The following ZC3H12B variants were observed in gnomAD, a reference collection of about 807,000 sequenced individuals.
ZC3H12B encodes the protein zinc finger CCCH-type containing 12B.
A neutral mutation model predicts 43.9 loss-of-function variants in ZC3H12B; 7 were observed. That is an observed-to-expected ratio of 0.16 (90% CI 0.09 to 0.30). The LOEUF (loss-of-function observed/expected upper bound fraction) is 0.30, where lower values mean the gene tolerates loss of function less well. ZC3H12B is among the 10% of genes least tolerant of loss of function. The pLI is 1.00. For missense variants in ZC3H12B, 475 were observed against 670.2 expected (o/e 0.71, Z 3.22); for synonymous variants, 222 against 241.7 (o/e 0.92, Z 0.76).
the ZC3H12B span, among the ~76,000 whole-genome samples, chrX:65,152,793 G>A: frequency 9.0e-6 from 1 of 111,545 alleles, no homozygotes; most frequent in South Asian, 3.7e-4. Flanking sequence ...TAAGCCAAAG[G>A]AACAAAGCTG....
At chrX:65,278,682 C>T in the ZC3H12B span, among the ~76,000 whole-genome samples, 1 of 111,263 alleles carries the variant, frequency 9.0e-6, no homozygotes, top group South Asian at 3.8e-4. Flanking sequence ...TTCAGGGATT[C>T]ATGTGAAAGT....
At chrX:65,120,330 A>T in the ZC3H12B span, among the ~76,000 whole-genome samples, 7 of 110,613 alleles carry the variant, frequency 6.3e-5, no homozygotes, top group Non-Finnish European at 1.1e-4. Flanking sequence ...CATTGAGCAG[A>T]GGTTTGTAGT....
At chrX:65,468,838 C>T (rs926112278) in intron 3 of ZC3H12B, among the ~76,000 whole-genome samples, 1 of 109,124 alleles carries the variant, frequency 9.2e-6, no homozygotes. Context: ...TTGCTTTGTG[C>T]AGTATGGAAA....
At chrX:65,452,066 A>T (rs1401113785) in intron 3 of ZC3H12B, among the ~76,000 whole-genome samples, 1 of 111,858 alleles carries the variant, frequency 8.9e-6, no homozygotes, top group Non-Finnish European at 1.9e-5. Flanking sequence ...ATAAGGAAAA[A>T]GTGAATACTC....
chrX:65,267,076 TG>T, the ZC3H12B span, among the ~76,000 whole-genome samples: 1 of 110,718 alleles, frequency 9.0e-6, no homozygotes, highest in Non-Finnish European at 1.9e-5. Flanking sequence ...GGCTGACATT[TG>T]GGCTCCACAC....
chrX:65,074,579 T>G, the ZC3H12B span, among the ~76,000 whole-genome samples: 6 of 112,115 alleles, frequency 5.4e-5, no homozygotes, highest in Non-Finnish European at 9.4e-5. Context: ...TGTCTCTTCT[T>G]TTTCTTTTAA....
chrX:65,295,464 A>T, the ZC3H12B span, among the ~76,000 whole-genome samples: 1 of 111,738 alleles, frequency 8.9e-6, no homozygotes, highest in African/African-American at 3.2e-5. Flanking sequence ...CTGAAAGAAC[A>T]CAAATAGACA....
chrX:65,345,674 C>A, the ZC3H12B span, among the ~76,000 whole-genome samples: 1 of 111,239 alleles, frequency 9.0e-6, no homozygotes, highest in African/African-American at 3.3e-5. Context: ...AAAATCTGCA[C>A]ATGTACTCTG....
chrX:65,389,671 A>G (rs1490026570), intron 2 of ZC3H12B, among the ~76,000 whole-genome samples: 1 of 112,635 alleles, frequency 8.9e-6, no homozygotes, highest in Admixed American at 9.3e-5. Flanking sequence ...CCCCAGTGAT[A>G]TAAAACCAGT....
the ZC3H12B span, among the ~76,000 whole-genome samples, chrX:65,153,286 G>A: frequency 4.5e-5 from 5 of 112,029 alleles, no homozygotes; most frequent in Non-Finnish European, 7.5e-5. Flanking sequence ...TATCATCAGA[G>A]TGAACAGGCA....
intron 3 of ZC3H12B, chrX:65,469,641 G>A (rs2067879318): frequency 1.0e-5 from 2 of 191,565 alleles, no homozygotes; most frequent in Non-Finnish European, 2.0e-5. Flanking sequence ...CTGTCCTTGG[G>A]AAGTTCTCCC....
At chrX:65,165,210 CATTA>C in the ZC3H12B span, among the ~76,000 whole-genome samples, 1 of 111,951 alleles carries the variant, frequency 8.9e-6, no homozygotes. Context: ...TATTGCTCCA[CATTA>C]ATTGAGATTA....
chrX:65,489,718 C>T (rs1180395212), intron 1 of ZC3H12B, among the ~76,000 whole-genome samples: 4 of 111,810 alleles, frequency 3.6e-5, no homozygotes, highest in Non-Finnish European at 7.5e-5. Context: ...GACTAACCAT[C>T]CTGAAAATGC....
chrX:65,270,358 C>G, the ZC3H12B span, among the ~76,000 whole-genome samples: 1 of 111,598 alleles, frequency 9.0e-6, no homozygotes, highest in Non-Finnish European at 1.9e-5. Context: ...GGGCCCTTAA[C>G]TTACAACATA....
At chrX:65,332,112 G>T in the ZC3H12B span, among the ~76,000 whole-genome samples, 1 of 110,809 alleles carries the variant, frequency 9.0e-6, no homozygotes, top group Non-Finnish European at 1.9e-5. Flanking sequence ...CCCTATTCAA[G>T]ATGGAGTTGC....
At chrX:65,373,908 G>GATATATATATAGT (rs2066287183) in intron 2 of ZC3H12B, among the ~76,000 whole-genome samples, 2 of 5,818 alleles carry the variant, frequency 3.4e-4, no homozygotes, top group African/African-American at 4.1e-4. Context: ...TATATATATA[G>GATATATATATAGT]TTATATATAT....
chrX:65,175,433 A>G, the ZC3H12B span, among the ~76,000 whole-genome samples: 4 of 112,168 alleles, frequency 3.6e-5, no homozygotes, highest in Non-Finnish European at 7.5e-5. Flanking sequence ...CTACATAGGA[A>G]CCAATGTAAT....
At chrX:65,341,756 A>C in the ZC3H12B span, among the ~76,000 whole-genome samples, 1 of 110,408 alleles carries the variant, frequency 9.1e-6, no homozygotes, top group South Asian at 3.9e-4. Context: ...CTACAAAAGC[A>C]CACTTAAGTA....
chrX:65,163,265 G>A, the ZC3H12B span, among the ~76,000 whole-genome samples: 10,126 of 111,067 alleles, frequency 0.091, 539 homozygotes, highest in Non-Finnish European at 0.14. Flanking sequence ...CAGATCTCCA[G>A]CTGCGTGATG....
Sources: allele counts gnomAD v4.1 joint callset (sites outside exome capture counted in the v4.1 genomes callset), GRCh38; gene constraint gnomAD v4.1.1; transcripts MANE v1.5; gene names NCBI Gene and HGNC (gene_info 2026-07-23, HGNC 2026-07-21).